Variants in SHTN1 observed in about 807,000 individuals in gnomAD.
The protein encoded by SHTN1 is shootin-1.
Under a neutral mutation model 83.1 loss-of-function variants are expected in SHTN1, and 42 were observed. The observed-to-expected ratio is 0.51, with a 90% CI of 0.39 to 0.65. The LOEUF is 0.65. Ranked by LOEUF, SHTN1 falls within the 30% of genes least tolerant of loss-of-function variation. The probability of loss-of-function intolerance (pLI) is 0.00; values close to 1 mark genes in which losing one functional copy is unlikely to be tolerated. For synonymous variants in SHTN1, 224 were observed against 247.7 expected (o/e 0.90, Z 0.90); for missense variants, 622 against 737.8 (o/e 0.84, Z 1.82).
chr10:117,003,015 T>C (rs1360219182), intron 1 of SHTN1, among the ~76,000 whole-genome samples: 1 of 152,180 alleles, frequency 6.6e-6, no homozygotes, highest in Non-Finnish European at 1.5e-5. Context: ...GAATGGAGAA[T>C]GTGTTCCGAA....
intron 9 of SHTN1, among the ~76,000 whole-genome samples, chr10:116,937,427 G>C (rs969391169): frequency 2.0e-5 from 3 of 152,122 alleles, no homozygotes; most frequent in Non-Finnish European, 4.4e-5. Flanking sequence ...ATGAAGCTTA[G>C]TTTGGCTGGA....
At chr10:117,003,592 C>T (rs1851896058) in intron 1 of SHTN1, among the ~76,000 whole-genome samples, 1 of 151,950 alleles carries the variant, frequency 6.6e-6, no homozygotes, top group South Asian at 2.1e-4. Flanking sequence ...TACGCAACAA[C>T]AGGTAAGAGT....
intron 1 of SHTN1, among the ~76,000 whole-genome samples, chr10:117,077,004 AC>A (rs1853167067): frequency 6.6e-6 from 1 of 152,184 alleles, no homozygotes; most frequent in South Asian, 2.1e-4. Flanking sequence ...AAGGACTTTC[AC>A]TGGTATATTT....
chr10:117,000,299 G>A (rs1033714888), intron 1 of SHTN1, among the ~76,000 whole-genome samples: 2 of 152,078 alleles, frequency 1.3e-5, no homozygotes, highest in Non-Finnish European at 2.9e-5. Flanking sequence ...TCAAAATAAT[G>A]CTCCAGTTAT....
intron 2 of SHTN1, among the ~76,000 whole-genome samples, chr10:117,013,824 A>G (rs989570542): frequency 5.3e-5 from 8 of 152,240 alleles, no homozygotes; most frequent in Non-Finnish European, 8.8e-5. Context: ...AATGTTTATA[A>G]CAGCTTTATT....
At chr10:117,091,609 C>T (rs912374720) in intron 1 of SHTN1, among the ~76,000 whole-genome samples, 1 of 152,196 alleles carries the variant, frequency 6.6e-6, no homozygotes. Context: ...AGCAGCCTCT[C>T]TTAACAGGTA....
rs535582097 is a variant in SHTN1, at chr10:117,086,110, G to A, written c.-188-37600C>T. On this transcript the variant is annotated intron_variant, in intron 1 of 17. Transcript: ENST00000392901. ...TAATTTTTTTATTTTAGTAGAGACG[G>A]GGTTTCACCATGTTAGCTAGGATGG... Among the ~76,000 whole-genome samples, 112 of 152,072 alleles carry A rather than the reference G, an allele frequency of 7.4e-4. 2 individuals carry two copies. The South Asian group carries it at 0.022, about 30-fold the overall frequency.
intron 2 of SHTN1, among the ~76,000 whole-genome samples, chr10:116,970,217 A>C (rs1850560826): frequency 1.3e-5 from 2 of 152,286 alleles, no homozygotes; most frequent in Middle Eastern, 6.8e-3. Context: ...CTTTGGAAAA[A>C]AACTTCTATC....
chr10:117,097,548 T>G (rs957341745), intron 1 of SHTN1, among the ~76,000 whole-genome samples: 1 of 152,112 alleles, frequency 6.6e-6, no homozygotes, highest in Non-Finnish European at 1.5e-5. Flanking sequence ...AACTGTGGGG[T>G]TTTGGATTTT....
At chr10:116,930,999 T>G (rs537431651) in intron 9 of SHTN1, among the ~76,000 whole-genome samples, 33 of 152,268 alleles carry the variant, frequency 2.2e-4, no homozygotes, top group Non-Finnish European at 3.4e-4. Context: ...GCATTTTTTA[T>G]ATGCTTGTTA....
intron 1 of SHTN1, among the ~76,000 whole-genome samples, chr10:117,072,858 A>C (rs2133604422): frequency 6.6e-6 from 1 of 152,316 alleles, no homozygotes; most frequent in South Asian, 2.1e-4. Context: ...CAAACCAAGA[A>C]GAAATCCCTG....
At chr10:116,889,674 T>C (rs1847274869) in intron 16 of SHTN1, among the ~76,000 whole-genome samples, 2 of 152,346 alleles carry the variant, frequency 1.3e-5, no homozygotes, top group South Asian at 2.1e-4. Flanking sequence ...TCCCTGTTTC[T>C]GCCTTTTCCA....
intron 13 of SHTN1, among the ~76,000 whole-genome samples, chr10:116,914,323 T>C (rs964395027): frequency 2.6e-5 from 4 of 151,954 alleles, no homozygotes; most frequent in African/African-American, 9.7e-5. Flanking sequence ...AATACAAAAA[T>C]TAGCTGGGCA....
exon 1 of SHTN1, chr10:117,126,322 GC>G (rs1854007414): frequency 1.8e-5 from 3 of 164,844 alleles, no homozygotes; most frequent in South Asian, 1.5e-4. Context: ...TCCTGGTGAG[GC>G]CCCGGCCTCC....
chr10:116,999,859 G>C (rs1851761305), intron 1 of SHTN1, among the ~76,000 whole-genome samples: 1 of 152,184 alleles, frequency 6.6e-6, no homozygotes, highest in African/African-American at 2.4e-5. Flanking sequence ...GTTGCAGTGA[G>C]CCGAGACCAC....
intron 1 of SHTN1, among the ~76,000 whole-genome samples, chr10:117,057,632 G>A (rs1371663109): frequency 6.6e-6 from 1 of 152,112 alleles, no homozygotes; most frequent in East Asian, 1.9e-4. Flanking sequence ...CATATGCAGG[G>A]AATTTAGAAA....
At chr10:116,988,463 A>G (rs1264502952) in intron 1 of SHTN1, among the ~76,000 whole-genome samples, 15 of 148,730 alleles carry the variant, frequency 1.0e-4, no homozygotes, top group Non-Finnish European at 1.5e-5. Context: ...TACTTATTTT[A>G]TATTTTTATT....
intron 15 of SHTN1, 33 bp downstream of exon 15, chr10:116,906,594 G>A: frequency 6.3e-7 from 1 of 1,580,842 alleles, no homozygotes; most frequent in South Asian, 1.2e-5. Context: ...CAGAGATGAA[G>A]AGAAGGACTG....
intron 12 of SHTN1, among the ~76,000 whole-genome samples, chr10:116,921,116 C>A (rs1848548736): frequency 1.3e-5 from 2 of 152,168 alleles, no homozygotes; most frequent in Non-Finnish European, 1.5e-5. Flanking sequence ...TCACTTGCTA[C>A]CAACTCTAAG....
Sources: gnomAD v4.1 joint callset for allele counts (sites outside exome capture counted in the v4.1 genomes callset) on GRCh38, gnomAD v4.1.1 for gene constraint, MANE v1.5 for transcripts, NCBI Gene and HGNC (gene_info 2026-07-23, HGNC 2026-07-21) for gene names.